GYS2: variants seen among roughly 807,000 people sequenced by gnomAD.
GYS2 encodes glycogen [starch] synthase, liver.
Under a neutral mutation model 85.6 loss-of-function variants are expected in GYS2, and 80 were observed. That is an observed-to-expected ratio of 0.93 (90% CI 0.78 to 1.13). The LOEUF is 1.13. Among genes scored for constraint, GYS2 ranks in the 50% most tolerant of loss-of-function variants. The pLI, the probability that GYS2 is intolerant of heterozygous loss-of-function variation, is 0.00. For missense variants in GYS2, 881 were observed against 854.9 expected, an observed-to-expected ratio of 1.03 and a Z score of -0.38; for synonymous variants, 328 against 300.7, an observed-to-expected ratio of 1.09 and a Z score of -0.94.
chr12:21,551,013 ATT>A (rs71053322), intron 11 of GYS2, among the ~76,000 whole-genome samples: 1 of 151,448 alleles, frequency 6.6e-6, no homozygotes, highest in Non-Finnish European at 1.5e-5. Context: ...TTTTTTTTTA[ATT>A]TTTTTTTATT....
At position 21,558,278 on chromosome 12, in the gene GYS2, C is replaced by A; in HGVS notation, c.1344G>T (p.Met448Ile). 1 of 1,613,850 alleles carries A rather than the reference C, an allele frequency of 6.2e-7. No homozygotes were observed. Among genetic ancestry groups the A allele is most frequent in the Non-Finnish European group, 8.5e-7 (1 of 1,179,784 alleles). ...GGATGGGGTCGGTGGAGTCATCAAT[C>A]ATGTTGTGCGTGGTCACTGGGGGCA... ...QSLPPVTTHN[M>I]IDDSTDPILS... The change falls in exon 11 of 16, where the codon ATG (methionine) becomes ATT (isoleucine). Residue 448 changes from methionine to isoleucine, a missense_variant. Met to Ile is a conservative substitution (Grantham distance 10, BLOSUM62 1). Transcript: ENST00000261195.
intron 2 of GYS2, among the ~76,000 whole-genome samples, chr12:21,580,092 C>G (rs1034090731): frequency 6.6e-6 from 1 of 152,190 alleles, no homozygotes; most frequent in Non-Finnish European, 1.5e-5. Context: ...AGTTTATGTA[C>G]AAATGACTTC....
chr12:21,562,820 C>G, intron 7 of GYS2, 98 bp downstream of exon 7: 1 of 1,289,288 alleles, frequency 7.8e-7, no homozygotes, highest in African/African-American at 1.5e-5. Context: ...ATCGTTTATT[C>G]TCTTGAAAAC....
intron 2 of GYS2, among the ~76,000 whole-genome samples, chr12:21,577,749 A>AC (rs1944462749): frequency 6.6e-6 from 1 of 151,960 alleles, no homozygotes; most frequent in African/African-American, 2.4e-5. Context: ...GCATTTTTTC[A>AC]CCCCCAGAAA....
intron 1 of GYS2, among the ~76,000 whole-genome samples, chr12:21,587,418 A>T (rs140100195): frequency 1.5e-3 from 221 of 152,290 alleles, no homozygotes; most frequent in African/African-American, 5.1e-3. Context: ...GGAGGGAGGT[A>T]ATTGAATCAT....
chr12:21,552,229 C>T (rs11046112), intron 11 of GYS2, among the ~76,000 whole-genome samples: 2 of 152,186 alleles, frequency 1.3e-5, no homozygotes, highest in African/African-American at 2.4e-5. Context: ...TATTCCAGGA[C>T]AGAAGTAAGG....
intron 7 of GYS2, among the ~76,000 whole-genome samples, chr12:21,562,117 T>C (rs749124938): frequency 5.9e-5 from 9 of 152,202 alleles, no homozygotes; most frequent in Non-Finnish European, 7.3e-5. Flanking sequence ...CATATTGTGT[T>C]GCTCGGTTAG....
intron 2 of GYS2, among the ~76,000 whole-genome samples, chr12:21,579,196 C>T (rs1944479578): frequency 6.6e-6 from 1 of 152,108 alleles, no homozygotes; most frequent in African/African-American, 2.4e-5. Context: ...CCTGTTGGAG[C>T]TGTAACAAAT....
At chr12:21,549,683 A>T (rs1944083507) in intron 11 of GYS2, among the ~76,000 whole-genome samples, 1 of 152,128 alleles carries the variant, frequency 6.6e-6, no homozygotes, top group Non-Finnish European at 1.5e-5. Flanking sequence ...GGTTTGTCTT[A>T]CGCTTCTTCA....
chr12:21,598,305 A>G (rs1338248173), intron 1 of GYS2, among the ~76,000 whole-genome samples: 1 of 152,100 alleles, frequency 6.6e-6, no homozygotes, highest in African/African-American at 2.4e-5. Flanking sequence ...AAAATGTCAC[A>G]TGTACCTGAT....
chr12:21,575,974 C>T lies in GYS2; in HGVS notation c.387G>A (p.Arg129=), dbSNP rs1944442039. 2 of 1,613,690 alleles carry T rather than the reference C, an allele frequency of 1.2e-6. No homozygotes were observed. The highest frequency in any genetic ancestry group is 2.2e-5 in the East Asian group (1 of 44,890). The change falls in exon 3 of 16, where the codon AGG becomes AGA. Residue 129 remains arginine (R), a synonymous_variant. Transcript: ENST00000261195. The part of the protein sequence containing the change: ...DIGYSAWNLD[R]WKGDLWEACS... The stretch of plus-strand genomic sequence containing the variant: ...ATGCTTCCCAGAGGTCACCCTTCCA[C>T]CTGTCCAGATTCCAAGCTGAATAGC...
chr12:21,590,559 G>C (rs1944626335), intron 1 of GYS2, among the ~76,000 whole-genome samples: 1 of 152,078 alleles, frequency 6.6e-6, no homozygotes. Context: ...TTGTCCTGCA[G>C]TTGCTACAGC....
At chr12:21,580,130 C>T (rs1316362736) in intron 2 of GYS2, among the ~76,000 whole-genome samples, 5 of 152,200 alleles carry the variant, frequency 3.3e-5, no homozygotes, top group African/African-American at 1.2e-4. Context: ...TCTGTATCTT[C>T]TGCTGAACTC....
intron 1 of GYS2, among the ~76,000 whole-genome samples, chr12:21,593,599 G>A (rs1272659830): frequency 6.6e-6 from 1 of 151,878 alleles, no homozygotes; most frequent in Non-Finnish European, 1.5e-5. Context: ...GACCAGTAAT[G>A]AATAATGAAA....
At chr12:21,546,797 T>A (rs762811518) in intron 11 of GYS2, among the ~76,000 whole-genome samples, 5 of 152,188 alleles carry the variant, frequency 3.3e-5, no homozygotes, top group African/African-American at 9.6e-5. Context: ...ATAAACCTTA[T>A]ATTTGGTTAT....
At chr12:21,573,952 T>C (rs1385272013) in intron 4 of GYS2, among the ~76,000 whole-genome samples, 192 bp downstream of exon 4, 1 of 152,228 alleles carries the variant, frequency 6.6e-6, no homozygotes. Context: ...TATACTCTAG[T>C]GTACTCTGAA....
chr12:21,579,578 C>A (rs1178027063), intron 2 of GYS2, among the ~76,000 whole-genome samples: 1 of 152,072 alleles, frequency 6.6e-6, no homozygotes, highest in East Asian at 1.9e-4. Context: ...CCAGGCTGGT[C>A]TTGAACTTCT....
rs767838400 is a variant in GYS2, at chr12:21,574,195, A to T, written c.627T>A (p.Leu209=). 4.5e-5 allele frequency: 72 copies of T among 1,613,350 alleles called. No homozygotes were observed. The highest frequency in any genetic ancestry group is 5.9e-5 in the Non-Finnish European group (69 of 1,179,404). The change falls in exon 4 of 16, where the codon CTT becomes CTA. Residue 209 remains leucine, a synonymous_variant. Transcript: ENST00000261195. ...TATTTGCTGCACAGAGATACCTCCC[A>T]AGTAGTGTAGCGTGGGTTGTAAATA... is the stretch of plus-strand genomic sequence containing the variant. ...ATIFTTHATL[L]GRYLCAANID...
At chr12:21,569,088 C>T in intron 4 of GYS2, 79 bp from the exon 5 acceptor site, 1 of 1,450,082 alleles carries the variant, frequency 6.9e-7, no homozygotes, top group Non-Finnish European at 9.7e-7. Flanking sequence ...CACATTTCAC[C>T]AAGTGGCTTA....
Sources: gnomAD v4.1 joint callset for allele counts (sites outside exome capture counted in the v4.1 genomes callset) on GRCh38, gnomAD v4.1.1 for gene constraint, MANE v1.5 for transcripts, NCBI Gene and HGNC (gene_info 2026-07-23, HGNC 2026-07-21) for gene names.